C10orf90: variants seen among roughly 807,000 people sequenced by gnomAD.
The protein encoded by C10orf90 is chromosome 10 open reading frame 90, also known as (E2-independent) E3 ubiquitin-conjugating enzyme FATS.
In C10orf90, 56 loss-of-function variants were observed where a neutral mutation model predicts 62.5. The observed-to-expected ratio is 0.90, with a 90% confidence interval of 0.72 to 1.12. The LOEUF (loss-of-function observed/expected upper bound fraction) is 1.12, where lower values mean the gene tolerates loss of function less well. Among genes scored for constraint, C10orf90 ranks in the 50% most tolerant of loss-of-function variants. The probability of loss-of-function intolerance (pLI) is 0.00; values close to 1 mark genes in which losing one functional copy is unlikely to be tolerated. For synonymous variants in C10orf90, 386 were observed against 340.4 expected (o/e 1.13, Z -1.47); for missense variants, 970 against 880.4 (o/e 1.10, Z -1.29).
At chr10:126,470,354 GGA>G (rs1395391974) in intron 4 of C10orf90, among the ~76,000 whole-genome samples, 2 of 152,158 alleles carry the variant, frequency 1.3e-5, no homozygotes, top group African/African-American at 4.8e-5. Context: ...TCCTTTCAAA[GGA>G]GAGAGAAAAC....
chr10:126,568,285 C>G (rs964194664), intron 2 of C10orf90, among the ~76,000 whole-genome samples: 4 of 152,220 alleles, frequency 2.6e-5, no homozygotes, highest in Non-Finnish European at 4.4e-5. Context: ...TGGTTCTCAT[C>G]TGAAGCTTGG....
At chr10:126,648,986 G>A (rs1038332548) in intron 1 of C10orf90, among the ~76,000 whole-genome samples, 2 of 149,772 alleles carry the variant, frequency 1.3e-5, no homozygotes, top group African/African-American at 2.5e-5. Flanking sequence ...AAACACTGAA[G>A]TGCTTTGGTT....
intron 7 of C10orf90, among the ~76,000 whole-genome samples, chr10:126,451,450 T>C (rs1296486985): frequency 5.3e-5 from 8 of 151,924 alleles, no homozygotes; most frequent in Non-Finnish European, 7.4e-5. Context: ...GATTAATGAA[T>C]AGAGAAAATG....
chr10:126,642,336 T>C (rs183004865), intron 2 of C10orf90, among the ~76,000 whole-genome samples: 32 of 152,090 alleles, frequency 2.1e-4, no homozygotes, highest in Middle Eastern at 3.4e-3. Flanking sequence ...ATCGAGACCA[T>C]CCTGGCTAAC....
intron 4 of C10orf90, among the ~76,000 whole-genome samples, chr10:126,470,484 T>C (rs934723250): frequency 1.3e-5 from 2 of 152,084 alleles, no homozygotes; most frequent in African/African-American, 4.8e-5. Flanking sequence ...AATCCCAGCA[T>C]GTTGGGAGGC....
intron 2 of C10orf90, among the ~76,000 whole-genome samples, chr10:126,546,662 C>A (rs77488645): frequency 6.6e-6 from 1 of 152,202 alleles, no homozygotes; most frequent in African/African-American, 2.4e-5. Context: ...GGATTTCCCC[C>A]CTCTTGGGTG....
At chr10:126,454,678 G>A (rs1859425307) in intron 7 of C10orf90, among the ~76,000 whole-genome samples, 1 of 152,068 alleles carries the variant, frequency 6.6e-6, no homozygotes, top group African/African-American at 2.4e-5. Flanking sequence ...TGCAGGGGCT[G>A]TGCCTGATGC....
intron 2 of C10orf90, among the ~76,000 whole-genome samples, chr10:126,632,065 A>C (rs1461673492): frequency 6.6e-6 from 1 of 152,102 alleles, no homozygotes; most frequent in Non-Finnish European, 1.5e-5. Flanking sequence ...GAGATGAGGA[A>C]ATTTCCAAGA....
chr10:126,468,829 G>C (rs1237825970), intron 4 of C10orf90, among the ~76,000 whole-genome samples: 1 of 152,184 alleles, frequency 6.6e-6, no homozygotes, highest in Admixed American at 6.5e-5. Flanking sequence ...AGCCCATGCA[G>C]GTCCTTAGGA....
chr10:126,657,140 T>A (rs1490637607), intron 1 of C10orf90, among the ~76,000 whole-genome samples: 1 of 151,620 alleles, frequency 6.6e-6, no homozygotes, highest in Non-Finnish European at 1.5e-5. Context: ...CTATTTTGAA[T>A]GTTTTTTTTT....
intron 3 of C10orf90, among the ~76,000 whole-genome samples, chr10:126,508,218 A>T (rs1424317150): frequency 6.7e-6 from 1 of 149,422 alleles, no homozygotes; most frequent in East Asian, 2.0e-4. Context: ...GGTGGGGAGG[A>T]CATGTTAAAA....
chr10:126,604,418 GA>G (rs1226410130), intron 2 of C10orf90, among the ~76,000 whole-genome samples: 1 of 151,808 alleles, frequency 6.6e-6, no homozygotes, highest in Non-Finnish European at 1.5e-5. Flanking sequence ...TCAGTTGAAA[GA>G]AAAAAAATAC....
chr10:126,510,385 T>C (rs1207682303), intron 3 of C10orf90, among the ~76,000 whole-genome samples: 1 of 152,210 alleles, frequency 6.6e-6, no homozygotes, highest in Non-Finnish European at 1.5e-5. Context: ...AGTAATTACA[T>C]CTTTTACACC....
At chr10:126,550,405 G>T (rs1391296050) in intron 2 of C10orf90, among the ~76,000 whole-genome samples, 1 of 152,156 alleles carries the variant, frequency 6.6e-6, no homozygotes, top group Non-Finnish European at 1.5e-5. Flanking sequence ...GAAATGCTCT[G>T]TCTTGAGTAT....
chr10:126,444,789 C>T (rs1858636860), intron 7 of C10orf90, among the ~76,000 whole-genome samples: 1 of 151,986 alleles, frequency 6.6e-6, no homozygotes, highest in African/African-American at 2.4e-5. Flanking sequence ...AGGCCATAGT[C>T]ACCAAAACAG....
chr10:126,629,592 G>GAAATGACTTT, intron 2 of C10orf90, among the ~76,000 whole-genome samples: 2 of 152,270 alleles, frequency 1.3e-5, no homozygotes, highest in African/African-American at 4.8e-5. Context: ...CTTGAAAGGG[G>GAAATGACTTT]GAAAGTTTTC....
At chr10:126,611,232 A>G (rs916401162) in intron 2 of C10orf90, among the ~76,000 whole-genome samples, 2 of 152,134 alleles carry the variant, frequency 1.3e-5, no homozygotes, top group African/African-American at 4.8e-5. Flanking sequence ...TTTCGTATAA[A>G]TGGATTACAA....
chr10:126,575,665 A>G lies in C10orf90; in HGVS notation c.314-61726T>C, dbSNP rs189375579. ...AGAACAAGGCTGGAGGTATCAGACT[A>G]TGGTACCTCAAAATATACTACAAAG... On this transcript the variant is annotated intron_variant, in intron 2 of 9. Coordinates refer to ENST00000488181, the MANE Select transcript of C10orf90 (RefSeq NM_001350921.2). 9.2e-5 allele frequency among the ~76,000 whole-genome samples: 14 copies of G among 152,194 alleles called. No homozygotes were observed. The East Asian group carries it at 2.5e-3, about 27-fold the overall frequency.
chr10:126,443,350 C>G (rs748836704), intron 7 of C10orf90, among the ~76,000 whole-genome samples: 1 of 152,006 alleles, frequency 6.6e-6, no homozygotes, highest in Non-Finnish European at 1.5e-5. Context: ...ACTGATACCA[C>G]AGAAATACAA....
Sources: allele counts gnomAD v4.1 joint callset (sites outside exome capture counted in the v4.1 genomes callset), GRCh38; gene constraint gnomAD v4.1.1; transcripts MANE v1.5; gene names NCBI Gene and HGNC (gene_info 2026-07-23, HGNC 2026-07-21).